Variants in GATA4 observed in about 807,000 individuals in gnomAD.
The protein encoded by GATA4 is GATA binding protein 4, also known as transcription factor GATA-4.
GATA4 carries 7 observed loss-of-function variants against 37.9 expected under a neutral mutation model. The observed-to-expected ratio is 0.18, with a 90% CI of 0.11 to 0.35. The LOEUF (loss-of-function observed/expected upper bound fraction) is 0.35. Among genes scored for constraint, GATA4 ranks in the 10% least tolerant of loss-of-function variants. The pLI, the probability that GATA4 is intolerant of heterozygous loss-of-function variation, is 1.00. For synonymous variants in GATA4, 372 were observed against 292.6 expected (o/e 1.27, Z -2.77); for missense variants, 647 against 653.0 (o/e 0.99, Z 0.10).
Position 11,708,150 on chromosome 8 carries a change from G to GTA in GATA4, c.-157_-156dup, listed in dbSNP as rs1369660335. On this transcript the variant is annotated 5_prime_UTR_variant, in exon 2 of 7. It removes the in-frame stop codon of an upstream open reading frame in the 5' UTR. Transcript: ENST00000532059. This position sits in a 1 kb window ranked among gnomAD's most constrained non-coding sequence, Gnocchi z 6.7. Reference sequence around the variant, plus strand: ...CTTTGCTCAATGCTGGATTTAATACGTATATATTTTTAAGCGAGTTGGTTT... The same window carrying GTA: ...CTTTGCTCAATGCTGGATTTAATACGTATATATATTTTTAAGCGAGTTGGTTT... 1.4e-5 allele frequency: 11 copies of GTA among 773,400 alleles called. No individual in the cohort carries two copies. The highest frequency in any genetic ancestry group is 2.2e-5 in the Non-Finnish European group (10 of 453,488). 47.9% of individuals were successfully genotyped at this position (773,400 alleles called of 1,614,324 possible).
chr8:11,713,460 G>T (rs1345517571), intron 2 of GATA4, among the ~76,000 whole-genome samples: 2 of 152,052 alleles, frequency 1.3e-5, no homozygotes, highest in African/African-American at 2.4e-5. Flanking sequence ...ACACAGAATG[G>T]CTGCGTGAGT....
In GATA4 at chr8:11,714,193, T is replaced by C. The variant is rs769022565; in HGVS notation, c.616+5265T>C. On this transcript the variant is annotated intron_variant, in intron 2 of 6. Coordinates refer to ENST00000532059, the MANE Select transcript of GATA4 (RefSeq NM_001308093.3). ...TGTGTAATGGAGACATAAGCAATTATGATATTCTCCAAGGATTTCAAAAAG... is the reference window on the plus strand; with the variant it reads ...TGTGTAATGGAGACATAAGCAATTACGATATTCTCCAAGGATTTCAAAAAG... 5.3e-5 allele frequency among the ~76,000 whole-genome samples: 8 copies of C among 152,226 alleles called. 1 individual carries two copies. Among genetic ancestry groups the C allele is most frequent in the Non-Finnish European group, 8.8e-5 (6 of 68,044 alleles).
intron 4 of GATA4, among the ~76,000 whole-genome samples, chr8:11,753,935 C>T (rs1210179737): frequency 6.6e-6 from 1 of 152,166 alleles, no homozygotes; most frequent in South Asian, 2.1e-4. Context: ...CAGTCCTGCT[C>T]CCCAGGACTG....
upstream of GATA4, among the ~76,000 whole-genome samples, chr8:11,702,953 G>A (rs1221482327): frequency 6.6e-6 from 1 of 152,240 alleles, no homozygotes; most frequent in Non-Finnish European, 1.5e-5. The surrounding 1 kb of genome is among the most constrained non-coding windows in gnomAD (Gnocchi z 4.4). Flanking sequence ...GATCCCATGG[G>A]GGGTTTCCTT....
intron 2 of GATA4, among the ~76,000 whole-genome samples, chr8:11,734,894 A>G (rs1383807351): frequency 6.6e-6 from 1 of 152,260 alleles, no homozygotes; most frequent in Non-Finnish European, 1.5e-5. Context: ...CATGTGGGTT[A>G]GGATTGCAAG....
chr8:11,681,315 A>G, intron 1 of GATA4: 1 of 985,322 alleles, frequency 1.0e-6, no homozygotes, highest in Non-Finnish European at 1.2e-6. Context: ...TGTCTTCACC[A>G]CTTCTCGACC....
chr8:11,693,482 G>C lies in GATA4; in HGVS notation c.-729+822G>C, dbSNP rs796702390. ...GAAAGAGAGAAAGGGAGAAAGAAGA[G>C]AGAGAGAGAGAGAGAAAAAAAGAGG... On this transcript the variant is annotated intron_variant, in intron 1 of 2. Coordinates refer to the GATA4 transcript ENST00000526974. 4.9e-3 allele frequency among the ~76,000 whole-genome samples: 735 copies of C among 148,938 alleles called. 12 individuals are homozygous for C. The highest frequency in any genetic ancestry group is 0.039 in the South Asian group (186 of 4,726).
chr8:11,747,654 A>T (rs1802097554), intron 2 of GATA4, among the ~76,000 whole-genome samples: 1 of 152,232 alleles, frequency 6.6e-6, no homozygotes, highest in Non-Finnish European at 1.5e-5. Context: ...TGACTCAGAA[A>T]TTCTACTTCT....
chr8:11,712,678 A>T lies in GATA4; in HGVS notation c.616+3750A>T, dbSNP rs542066069. Among the ~76,000 whole-genome samples, 12 of 145,918 alleles carry T rather than the reference A, an allele frequency of 8.2e-5. No individual in the cohort carries two copies. In the South Asian group the frequency reaches 2.7e-3, roughly 33 times the overall value. On this transcript the variant is annotated intron_variant, in intron 2 of 6. Coordinates refer to ENST00000532059, the MANE Select transcript of GATA4 (RefSeq NM_001308093.3). ...TGAGACCAACCTGGACAACATAGTG[A>T]GACCACATCTCTAAAAAAAAAAAAA...
At chr8:11,729,107 C>G (rs920656892) in intron 2 of GATA4, among the ~76,000 whole-genome samples, 1 of 152,028 alleles carries the variant, frequency 6.6e-6, no homozygotes, top group African/African-American at 2.4e-5. Context: ...GTGACAGGTG[C>G]CTATAATCCC....
upstream of GATA4, among the ~76,000 whole-genome samples, chr8:11,701,710 G>C (rs1290370083): frequency 6.6e-6 from 1 of 152,182 alleles, no homozygotes; most frequent in Non-Finnish European, 1.5e-5. Flanking sequence ...TGGGGCGCTG[G>C]ACCTAGAGGA....
intron 4 of GATA4, among the ~76,000 whole-genome samples, chr8:11,753,862 T>C (rs540956203): frequency 1.3e-5 from 2 of 152,286 alleles, no homozygotes; most frequent in Admixed American, 6.5e-5. Flanking sequence ...AAGCACAGCA[T>C]AGAAAAGGGG....
chr8:11,725,226 T>C (rs796453965), intron 2 of GATA4, among the ~76,000 whole-genome samples: 13 of 152,342 alleles, frequency 8.5e-5, no homozygotes, highest in East Asian at 3.9e-4. Context: ...AATGTCATCA[T>C]CCTCCCCAGC....
chr8:11,693,111 C>G, intron 1 of GATA4: 1 of 969,068 alleles, frequency 1.0e-6, no homozygotes, highest in South Asian at 4.8e-5. Flanking sequence ...ACTTCTTAAT[C>G]CCAGTGTCTG....
chr8:11,722,369 A>C (rs1800716974), intron 2 of GATA4, among the ~76,000 whole-genome samples: 2 of 152,316 alleles, frequency 1.3e-5, no homozygotes, highest in African/African-American at 4.8e-5. Flanking sequence ...GGACTCTTTT[A>C]TTTTAAAAAA....
upstream of GATA4, chr8:11,692,407 G>A (rs1358397548): frequency 7.1e-6 from 5 of 700,570 alleles, 1 homozygote; most frequent in African/African-American, 9.7e-5. Context: ...TATTTACGTT[G>A]ATTTCTCTAC....
chr8:11,693,727 C>T (rs959559521), intron 1 of GATA4, among the ~76,000 whole-genome samples: 8 of 152,128 alleles, frequency 5.3e-5, no homozygotes, highest in African/African-American at 1.9e-4. Flanking sequence ...CATCTCTTGC[C>T]CTACCCCCAC....
chr8:11,716,402 C>G (rs1372272520), intron 2 of GATA4, among the ~76,000 whole-genome samples: 1 of 151,858 alleles, frequency 6.6e-6, no homozygotes, highest in African/African-American at 2.4e-5. Context: ...TTAAATTTGT[C>G]TTTTACCTAT....
intron 1 of GATA4, among the ~76,000 whole-genome samples, chr8:11,678,052 A>T (rs1266689924): frequency 8.1e-6 from 1 of 123,354 alleles, no homozygotes; most frequent in Non-Finnish European, 1.7e-5. Flanking sequence ...TAATAATAAT[A>T]ATAATAAATA....
Sources: gnomAD v4.1 joint callset for allele counts (sites outside exome capture counted in the v4.1 genomes callset) on GRCh38, gnomAD v4.1.1 for gene constraint, Gnocchi (gnomAD v3.1) non-coding constraint, MANE v1.5 for transcripts, NCBI Gene and HGNC (gene_info 2026-07-23, HGNC 2026-07-21) for gene names.